The following MAP1LC3C variants were observed in gnomAD, a reference collection of about 807,000 sequenced individuals.
The protein encoded by MAP1LC3C is microtubule associated protein 1 light chain 3 gamma, also known as microtubule-associated protein 1 light chain 3 gamma.
A neutral mutation model predicts 10.4 loss-of-function variants in MAP1LC3C; 12 were observed. The observed-to-expected ratio is 1.15, with a 90% CI of 0.74 to 1.86. The LOEUF (loss-of-function observed/expected upper bound fraction) is 1.86, where lower values mean the gene tolerates loss of function less well. Among genes scored for constraint, MAP1LC3C ranks in the 40% most tolerant of loss-of-function variants. MAP1LC3C has a pLI of 0.00. For missense variants in MAP1LC3C, 177 were observed against 185.7 expected (o/e 0.95, Z 0.27); for synonymous variants, 70 against 69.0 (o/e 1.01, Z -0.07).
upstream of MAP1LC3C, among the ~76,000 whole-genome samples, chr1:241,999,828 A>ACAAAT (rs1665161232): frequency 6.6e-6 from 1 of 152,026 alleles, no homozygotes; most frequent in African/African-American, 2.4e-5. Context: ...ACAAAACAAA[A>ACAAAT]CAAAAAAAAC....
At chr1:242,000,095 A>G (rs112464567), upstream of MAP1LC3C, among the ~76,000 whole-genome samples, 27 of 152,190 alleles carry the variant, frequency 1.8e-4, no homozygotes, top group African/African-American at 5.8e-4. Flanking sequence ...CCGAGCAATC[A>G]CTTCTACAGT....
At chr1:241,998,859 A>C (rs1455264182) in intron 1 of MAP1LC3C, 28 bp from the exon 2 acceptor site, 3 of 1,613,770 alleles carry the variant, frequency 1.9e-6, no homozygotes, top group Non-Finnish European at 2.5e-6. Context: ...ACAAGAGAAG[A>C]AGCAAAGATC....
chr1:241,999,065 G>C lies in MAP1LC3C; in HGVS notation c.-57C>G. 1 of 1,552,572 alleles carries C rather than the reference G, an allele frequency of 6.4e-7. No homozygotes were observed. The highest frequency in any genetic ancestry group is 8.6e-7 in the Non-Finnish European group (1 of 1,160,858). On this transcript the variant is annotated 5_prime_UTR_variant, in exon 1 of 4. Transcript: ENST00000357246. ...GAAAAAAAAACTGTCCCGCAACCGG[G>C]AACCTAACTCATTCCTCCAGCTGCT...
In MAP1LC3C at chr1:241,999,095, A is replaced by C. The variant is rs561614672; in HGVS notation, c.-87T>G. The C allele has an allele frequency of 6.6e-6, 10 of 1,517,418 alleles. No homozygotes were observed. Among genetic ancestry groups the C allele is most frequent in the African/African-American group, 1.4e-5 (1 of 71,672 alleles). 94.0% of individuals were successfully genotyped at this position (1,517,418 alleles called of 1,614,324 possible). ...TAACTCATTCCTCCAGCTGCTTCCA[A>C]ACTGCCTGCAGGAGCCTGAAGGAGG... On this transcript the variant is annotated 5_prime_UTR_variant, in exon 1 of 4. Transcript: ENST00000357246.
At chr1:242,001,095 A>G (rs1485892792), upstream of MAP1LC3C, among the ~76,000 whole-genome samples, 1 of 151,764 alleles carries the variant, frequency 6.6e-6, no homozygotes, top group Non-Finnish European at 1.5e-5. Context: ...GGCCAACATC[A>G]TGAAACCCTG....
At position 241,998,849 on chromosome 1, in the gene MAP1LC3C, A is replaced by T; in HGVS notation, c.59-18T>A. ...TCTGATTGCTGTGAATATTTCAAGC[A>T]CAAGAGAAGAAGCAAAGATCAAGAA... is the stretch of plus-strand genomic sequence containing the variant. On this transcript the variant is annotated intron_variant, in intron 1 of 3. Transcript: ENST00000357246. 6.2e-7 allele frequency: 1 copy of T among 1,614,024 alleles called. No homozygotes were observed. Among genetic ancestry groups the T allele is most frequent in the Non-Finnish European group, 8.5e-7 (1 of 1,180,016 alleles).
Position 241,996,093 on chromosome 1 carries a change from C to G in MAP1LC3C, c.*70G>C. On this transcript the variant is annotated 3_prime_UTR_variant, in exon 4 of 4. Transcript: ENST00000357246. ...TTCTCAGACTCCTCCACTGTATACACAGGAGAAAACCAATCCCTTCTGCCA... is the reference window on the plus strand; with the variant it reads ...TTCTCAGACTCCTCCACTGTATACAGAGGAGAAAACCAATCCCTTCTGCCA... 1 of 1,424,516 alleles carries G rather than the reference C, an allele frequency of 7.0e-7. No homozygotes were observed. The highest frequency in any genetic ancestry group is 9.6e-7 in the Non-Finnish European group (1 of 1,038,140). 88.2% of individuals were successfully genotyped at this position (1,424,516 alleles called of 1,614,324 possible). A position where few individuals can be genotyped will look rare whatever the true frequency, so the allele number is the denominator to read the frequency against.
chr1:241,998,741 C>G (rs1258630181), intron 2 of MAP1LC3C, 35 bp downstream of exon 2: 2 of 1,613,978 alleles, frequency 1.2e-6, no homozygotes, highest in East Asian at 4.5e-5. Context: ...AACCCCACCC[C>G]CACGCCCCCC....
At chr1:241,999,177 C>T (rs1426560900), upstream of MAP1LC3C, 7 of 1,330,666 alleles carry the variant, frequency 5.3e-6, no homozygotes, top group South Asian at 1.2e-4. Flanking sequence ...TCTCCCCACT[C>T]CCCCTCCCTG....
chr1:241,996,392 T>C lies in MAP1LC3C; in HGVS notation c.222-7A>G. 6.2e-7 allele frequency: 1 copy of C among 1,612,246 alleles called. No homozygotes were observed. Among genetic ancestry groups the C allele is most frequent in the Non-Finnish European group, 8.5e-7 (1 of 1,178,604 alleles). Reference sequence around the variant, plus strand: ...TCTCAGGACCATGCGGCTCCTGGGATGGGCAGGAGGGTGGTGAGGGTATGG... The same window carrying C: ...TCTCAGGACCATGCGGCTCCTGGGACGGGCAGGAGGGTGGTGAGGGTATGG... On this transcript the variant is annotated splice_region_variant and splice_polypyrimidine_tract_variant and intron_variant, in intron 3 of 3. Transcript: ENST00000357246.
chr1:241,998,870 A>G, intron 1 of MAP1LC3C, 39 bp from the exon 2 acceptor site: 1 of 1,613,934 alleles, frequency 6.2e-7, no homozygotes, highest in Non-Finnish European at 8.5e-7. Flanking sequence ...AGCAAAGATC[A>G]AGAAAAGAAG....
intron 3 of MAP1LC3C, among the ~76,000 whole-genome samples, chr1:241,997,899 T>A (rs1665116743): frequency 6.6e-6 from 1 of 152,078 alleles, no homozygotes; most frequent in African/African-American, 2.4e-5. Context: ...AGAAAGGATC[T>A]CCCGGCCTAG....
Position 241,996,020 on chromosome 1 carries a change from A to G in MAP1LC3C, c.*143T>C, listed in dbSNP as rs1173493664. ...CACAAAAACTAAACTAGGAAGAGCC[A>G]CCACTCTGCTGCCACTGGTTGGAGC... On this transcript the variant is annotated 3_prime_UTR_variant, in exon 4 of 4. Coordinates refer to ENST00000357246, the MANE Select transcript of MAP1LC3C (RefSeq NM_001004343.3). The G allele has an allele frequency of 6.4e-6, 4 of 628,542 alleles. No homozygotes were observed. The highest frequency in any genetic ancestry group is 7.9e-6 in the Non-Finnish European group (3 of 380,834). 38.9% of individuals were successfully genotyped at this position (628,542 alleles called of 1,614,324 possible).
In MAP1LC3C at chr1:241,996,394, G is replaced by T; in HGVS notation, c.222-9C>A. 5 of 1,612,086 alleles carry T rather than the reference G, an allele frequency of 3.1e-6. No individual in the cohort carries two copies. The highest frequency in any genetic ancestry group is 4.2e-6 in the Non-Finnish European group (5 of 1,178,478). On this transcript the variant is annotated splice_polypyrimidine_tract_variant and intron_variant, in intron 3 of 3. Coordinates refer to ENST00000357246, the MANE Select transcript of MAP1LC3C (RefSeq NM_001004343.3). The stretch of plus-strand genomic sequence containing the variant: ...TCAGGACCATGCGGCTCCTGGGATG[G>T]GCAGGAGGGTGGTGAGGGTATGGCC...
rs761050141 is a variant in MAP1LC3C at position 241,997,791 on chromosome 1, C to T, written c.221+723G>A. Among the ~76,000 whole-genome samples the T allele has an allele frequency of 2.0e-5, 3 of 152,088 alleles. 1 individual carries two copies. The highest frequency in any genetic ancestry group is 4.8e-5 in the African/African-American group (2 of 41,512). ...CAGTGTTCTGAGCAGGGAACGTTTCCTTTGGGGAGAAGTCCCCACCCCTAG... is the reference window on the plus strand; with the variant it reads ...CAGTGTTCTGAGCAGGGAACGTTTCTTTTGGGGAGAAGTCCCCACCCCTAG... On this transcript the variant is annotated intron_variant, in intron 3 of 3. Coordinates refer to ENST00000357246, the MANE Select transcript of MAP1LC3C (RefSeq NM_001004343.3).
chr1:242,000,750 A>G (rs1486628982), upstream of MAP1LC3C, among the ~76,000 whole-genome samples: 1 of 152,178 alleles, frequency 6.6e-6, no homozygotes, highest in East Asian at 1.9e-4. Context: ...GTGTTCAGCT[A>G]GCAGAACCTA....
At chr1:241,999,264 C>CA (rs1665150723), upstream of MAP1LC3C, among the ~76,000 whole-genome samples, 1 of 152,154 alleles carries the variant, frequency 6.6e-6, no homozygotes, top group Non-Finnish European at 1.5e-5. Context: ...TTGTTCATGA[C>CA]CAGTTCAAGA....
Position 241,998,965 on chromosome 1 carries a change from T to G in MAP1LC3C, c.44A>C (p.Gln15Pro). 9 of 1,612,540 alleles carry G rather than the reference T, an allele frequency of 5.6e-6. No homozygotes were observed. The highest frequency in any genetic ancestry group is 7.6e-6 in the Non-Finnish European group (9 of 1,179,718). ...QKIPSVRPFK[Q>P]RKSLAIRQEE... ...AAGAAATTTACCCAAGCTTTTCCTC[T>G]GCTTGAAGGGTCTGACGCTTGGGAT... Residue 15 changes from glutamine (Q) to proline (P), a missense_variant, in exon 1 of 4, where the codon CAG (glutamine) becomes CCG (proline). Gln to Pro is a moderately conservative substitution (Grantham distance 76, BLOSUM62 -1). Transcript: ENST00000357246.
At position 241,996,916 on chromosome 1, in the gene MAP1LC3C, A is replaced by AAAAAAAAAAAG. The variant is rs1401747604; in HGVS notation, c.222-532_222-531insCTTTTTTTTTT. Among the ~76,000 whole-genome samples, 22 of 150,354 alleles carry AAAAAAAAAAAG rather than the reference A, an allele frequency of 1.5e-4. 2 individuals carry two copies. Among genetic ancestry groups the AAAAAAAAAAAG allele is most frequent in the African/African-American group, 4.9e-4 (20 of 41,058 alleles). On this transcript the variant is annotated intron_variant, in intron 3 of 3. Coordinates refer to ENST00000357246, the MANE Select transcript of MAP1LC3C (RefSeq NM_001004343.3). ...CAGAGCAAGACTGCGTCTCAAAAAA[A>AAAAAAAAAAAG]AAAAAAAAAGAAAAGAAATTAAAGC...
Sources: allele counts gnomAD v4.1 joint callset (sites outside exome capture counted in the v4.1 genomes callset), GRCh38; gene constraint gnomAD v4.1.1; transcripts MANE v1.5; gene names NCBI Gene and HGNC (gene_info 2026-07-23, HGNC 2026-07-21).